Variants in UGT1A4 observed in about 807,000 individuals in gnomAD.
UGT1A4 encodes UDP glucuronosyltransferase family 1 member A4.
A neutral mutation model predicts 41.1 loss-of-function variants in UGT1A4; 32 were observed. The ratio of observed to expected loss-of-function variants is 0.78; its 90% confidence interval spans 0.59 to 1.05. UGT1A4 has a LOEUF of 1.05. UGT1A4 is among the 50% of genes least tolerant of loss of function. The probability of loss-of-function intolerance (pLI) is 0.00; values close to 1 mark genes in which losing one functional copy is unlikely to be tolerated. For missense variants in UGT1A4, 748 were observed against 677.4 expected (o/e 1.10, Z -1.16); for synonymous variants, 283 against 265.1 (o/e 1.07, Z -0.66).
intron 1 of UGT1A4, among the ~76,000 whole-genome samples, chr2:233,746,063 AAG>A (rs1693290242): frequency 6.6e-6 from 1 of 151,770 alleles, no homozygotes. Flanking sequence ...CTAGAACGAA[AAG>A]AGAAGAGGAG....
chr2:233,720,226 G>A (rs989732732), intron 1 of UGT1A4, among the ~76,000 whole-genome samples: 1 of 152,194 alleles, frequency 6.6e-6, no homozygotes, highest in South Asian at 2.1e-4. Context: ...CATGTGATCA[G>A]AGAATGAAAC....
Position 233,772,789 on chromosome 2 carries a change from G to A in UGT1A4, c.*230G>A. ...CCCCTCTGGTGTCTTTGATCAGGAT[G>A]ACATGTGCCATTTTTCAGAGGACGT... On this transcript the variant is annotated 3_prime_UTR_variant, in exon 5 of 5. Coordinates refer to ENST00000373409, the MANE Select transcript of UGT1A4 (RefSeq NM_007120.3). 8.1e-7 allele frequency: 1 copy of A among 1,234,684 alleles called. No homozygotes were observed. Among genetic ancestry groups the A allele is most frequent in the Non-Finnish European group, 1.1e-6 (1 of 930,096 alleles). The allele number at this position is 1,234,684 out of a possible 1,614,324, so 76.5% of individuals were successfully genotyped here. A position where few individuals can be genotyped will look rare whatever the true frequency, so the allele number is the denominator to read the frequency against.
chr2:233,756,919 A>G (rs1444597051), intron 1 of UGT1A4, among the ~76,000 whole-genome samples: 2 of 152,130 alleles, frequency 1.3e-5, no homozygotes. Flanking sequence ...CTGAGTTTAT[A>G]TAACCTCTAG....
At chr2:233,763,181 G>A (rs1559409754) in intron 1 of UGT1A4, among the ~76,000 whole-genome samples, 1 of 152,170 alleles carries the variant, frequency 6.6e-6, no homozygotes. Flanking sequence ...CTACATATTT[G>A]TTGTTGCCTT....
chr2:233,762,371 A>G (rs1296982558), intron 1 of UGT1A4, among the ~76,000 whole-genome samples: 2 of 152,236 alleles, frequency 1.3e-5, no homozygotes, highest in Non-Finnish European at 2.9e-5. Flanking sequence ...TTACATACCA[A>G]TATGTATATA....
chr2:233,747,270 T>C (rs1378649529), intron 1 of UGT1A4: 110 of 1,598,986 alleles, frequency 6.9e-5, no homozygotes, highest in Non-Finnish European at 9.1e-5. Context: ...TGCTACTCCT[T>C]CTCAGTGCCC....
intron 1 of UGT1A4, among the ~76,000 whole-genome samples, chr2:233,740,113 T>C (rs1443736417): frequency 6.6e-6 from 1 of 151,884 alleles, no homozygotes. Flanking sequence ...CCTTTGCTTA[T>C]CTCTCACCTT....
At chr2:233,721,816 C>A (rs1463155812) in intron 1 of UGT1A4, 4 of 516,128 alleles carry the variant, frequency 7.8e-6, no homozygotes, top group Non-Finnish European at 1.6e-5. Context: ...AAATCCAGCA[C>A]CCTATTTGGG....
Position 233,719,281 on chromosome 2 carries a change from T to A in UGT1A4, c.461T>A (p.Val154Asp), listed in dbSNP as rs773168968. The change falls in exon 1 of 5, where the codon GTT becomes GAT. Residue 154 changes from valine (V) to aspartate (D), a missense_variant. Val to Asp is a radical substitution (Grantham distance 152, BLOSUM62 -3). Transcript: ENST00000373409. ...TTTGATGTGGTTTTAACAGACCCCG[T>A]TAACCTCTGTGGGGCGGTGCTGGCT... The part of the protein sequence containing the change: ...TSFDVVLTDP[V>D]NLCGAVLAKY... The A allele has an allele frequency of 6.2e-7, 1 of 1,614,134 alleles. No individual in the cohort carries two copies. Among genetic ancestry groups the A allele is most frequent in the Admixed American group, 1.7e-5 (1 of 60,022 alleles).
chr2:233,729,985 C>G, intron 1 of UGT1A4: 1 of 1,614,044 alleles, frequency 6.2e-7, no homozygotes. Flanking sequence ...CAGGAAGCCA[C>G]TATCTCAGGT....
chr2:233,726,034 C>T (rs1279276362), intron 1 of UGT1A4, among the ~76,000 whole-genome samples: 3 of 152,170 alleles, frequency 2.0e-5, no homozygotes, highest in East Asian at 1.9e-4. Flanking sequence ...GGTGTGATGG[C>T]GCACACCTGT....
intron 1 of UGT1A4, among the ~76,000 whole-genome samples, chr2:233,751,100 G>A (rs895970679): frequency 2.6e-5 from 4 of 151,920 alleles, no homozygotes; most frequent in African/African-American, 9.7e-5. Context: ...GGAGGGCTTT[G>A]CCCTGCAAGC....
At chr2:233,761,742 A>T (rs1697852650) in intron 1 of UGT1A4, among the ~76,000 whole-genome samples, 2 of 152,204 alleles carry the variant, frequency 1.3e-5, no homozygotes, top group South Asian at 4.1e-4. Flanking sequence ...TCCCCTACAG[A>T]GTTTGAAGTA....
At chr2:233,729,375 G>T (rs148006660) in intron 1 of UGT1A4, 2 of 1,613,886 alleles carry the variant, frequency 1.2e-6, no homozygotes, top group Non-Finnish European at 1.7e-6. Flanking sequence ...ATGCCATTTC[G>T]TGGACCCAGG....
chr2:233,747,249 G>A (rs1310551227), intron 1 of UGT1A4: 19 of 1,600,704 alleles, frequency 1.2e-5, no homozygotes, highest in Non-Finnish European at 1.6e-5. Flanking sequence ...TGCTGTGGCT[G>A]GCCACAGGAG....
At chr2:233,762,023 TA>T (rs1176936322) in intron 1 of UGT1A4, among the ~76,000 whole-genome samples, 2 of 152,334 alleles carry the variant, frequency 1.3e-5, no homozygotes, top group Non-Finnish European at 2.9e-5. Flanking sequence ...ATTTGTATTT[TA>T]TTTTTTTTAA....
At chr2:233,724,280 G>GT (rs2077205183) in intron 1 of UGT1A4, among the ~76,000 whole-genome samples, 4 of 139,636 alleles carry the variant, frequency 2.9e-5, no homozygotes, top group Admixed American at 7.0e-5. Context: ...GGCTGGCCGG[G>GT]CGGGGGGCTG....
chr2:233,747,506 A>G, intron 1 of UGT1A4: 1 of 1,608,324 alleles, frequency 6.2e-7, no homozygotes, highest in Non-Finnish European at 8.5e-7. Flanking sequence ...GCCACACTCA[A>G]CTGTACTTTG....
chr2:233,728,573 C>T (rs183295666), intron 1 of UGT1A4, among the ~76,000 whole-genome samples: 6 of 152,150 alleles, frequency 3.9e-5, no homozygotes, highest in Non-Finnish European at 7.3e-5. Flanking sequence ...TATCCTGGTG[C>T]GAAAAACGAC....
Sources: gnomAD v4.1 joint callset for allele counts (sites outside exome capture counted in the v4.1 genomes callset) on GRCh38, gnomAD v4.1.1 for gene constraint, MANE v1.5 for transcripts, NCBI Gene and HGNC (gene_info 2026-07-23, HGNC 2026-07-21) for gene names.